The following MUC12 variants were observed in gnomAD, a reference collection of about 807,000 sequenced individuals.
MUC12 encodes mucin 12, cell surface associated, also known as mucin-12.
Under a neutral mutation model 230.8 loss-of-function variants are expected in MUC12, and 172 were observed. That is an observed-to-expected ratio of 0.75 (90% CI 0.66 to 0.85). The LOEUF is 0.85. MUC12 is among the 40% of genes least tolerant of loss of function. MUC12 has a pLI of 0.00. For synonymous variants in MUC12, 1,259 were observed against 2,401.9 expected (o/e 0.52, Z 13.91); for missense variants, 3,506 against 5,920.6 (o/e 0.59, Z 13.38).
chr7:100,972,515 T>A (rs1287729225), intron 1 of MUC12, among the ~76,000 whole-genome samples: 1 of 152,130 alleles, frequency 6.6e-6, no homozygotes, highest in African/African-American at 2.4e-5. Flanking sequence ...GTAGCTTTTT[T>A]TTTTTTTTGA....
chr7:101,012,891 G>A lies in MUC12; in HGVS notation c.15475+1G>A, dbSNP rs1562794670. The A allele has an allele frequency of 2.0e-6, 3 of 1,537,264 alleles. No homozygotes were observed. Among genetic ancestry groups the A allele is most frequent in the Middle Eastern group, 1.7e-4 (1 of 5,990 alleles). ...GTGACTCCGGGCTTTGACTTCCAGGGTAAGCGACTACGTGGAGCGTGGGCA... is the reference window on the plus strand; with the variant it reads ...GTGACTCCGGGCTTTGACTTCCAGGATAAGCGACTACGTGGAGCGTGGGCA... On this transcript the variant is annotated splice_donor_variant, in intron 7 of 11. Coordinates refer to ENST00000536621, the MANE Select transcript of MUC12 (RefSeq NM_001164462.2). LOFTEE classifies it high-confidence loss of function.
rs1457524493 is a variant in MUC12, at chr7:100,999,302, C to A, written c.8739C>A (p.Ser2913=). 1.7e-6 allele frequency: 2 copies of A among 1,175,862 alleles called. No individual in the cohort carries two copies. The highest frequency in any genetic ancestry group is 4.1e-5 in the Admixed American group (2 of 48,384). 72.8% of individuals were successfully genotyped at this position (1,175,862 alleles called of 1,614,324 possible). The change falls in exon 2 of 12, where the codon TCC becomes TCA. Residue 2913 remains serine (S), a synonymous_variant. Transcript: ENST00000536621. ...GCCTCAGTCAGGAACCTACAGCTTC[C>A]CACAGCAGCCAAGGCTCAACAGAGG... is the stretch of plus-strand genomic sequence containing the variant. The part of the protein sequence containing the change: ...TSGLSQEPTA[S]HSSQGSTEAT...
intron 1 of MUC12, among the ~76,000 whole-genome samples, chr7:100,973,834 T>C: frequency 6.6e-6 from 1 of 151,398 alleles, no homozygotes; most frequent in Non-Finnish European, 1.5e-5. Context: ...GCCTGGGCAA[T>C]GTAGTGACAC....
chr7:101,011,196 A>G (rs574506681), intron 5 of MUC12, among the ~76,000 whole-genome samples: 1 of 152,260 alleles, frequency 6.6e-6, no homozygotes, highest in South Asian at 2.1e-4. Flanking sequence ...TCCTTGCAGC[A>G]GGGAAGAGAG....
intron 1 of MUC12, 141 bp downstream of exon 1, chr7:100,969,830 T>G: frequency 8.1e-7 from 1 of 1,235,508 alleles, no homozygotes; most frequent in Non-Finnish European, 1.1e-6. Context: ...AGACCCGTGC[T>G]GTGACCTCAT....
In MUC12 at chr7:101,003,382, T is replaced by C; in HGVS notation, c.12819T>C (p.Thr4273=). 2.0e-6 allele frequency: 3 copies of C among 1,521,400 alleles called. No individual in the cohort carries two copies. Among genetic ancestry groups the C allele is most frequent in the Non-Finnish European group, 2.6e-6 (3 of 1,140,548 alleles). 94.2% of individuals were successfully genotyped at this position (1,521,400 alleles called of 1,614,324 possible). Residue 4273 remains threonine, a synonymous_variant, in exon 2 of 12, where the codon ACT becomes ACC. Transcript: ENST00000536621. The part of the protein sequence containing the change: ...TTASSLGPES[T]TFHSSPGSTE... ...CATCATCCCTTGGTCCAGAATCTAC[T>C]ACCTTCCACAGCAGCCCAGGCTCCA...
Position 100,991,160 on chromosome 7 carries a change from C to G in MUC12, c.597C>G (p.Ile199Met). 2.0e-6 allele frequency: 3 copies of G among 1,537,678 alleles called. No homozygotes were observed. Among genetic ancestry groups the G allele is most frequent in the African/African-American group, 1.4e-5 (1 of 73,144 alleles). Reference sequence around the variant, plus strand: ...AGGAATCTACAGCTTCCCACAGCATCCCCGGCTCCACAGACACAACACTGT... The same window carrying G: ...AGGAATCTACAGCTTCCCACAGCATGCCCGGCTCCACAGACACAACACTGT... ...VSQESTASHSIPGSTDTTLSP... is the reference protein window; with the variant it reads ...VSQESTASHSMPGSTDTTLSP... Residue 199 changes from isoleucine (I) to methionine (M), a missense_variant, in exon 2 of 12, where the codon ATC (isoleucine) becomes ATG (methionine). Transcript: ENST00000536621.
rs1178238532 is a variant in MUC12, at chr7:100,991,898, T to C, written c.1335T>C (p.Asp445=). The change falls in exon 2 of 12, where the codon GAT becomes GAC. Residue 445 remains aspartate (D), a synonymous_variant. Transcript: ENST00000536621. The part of the protein sequence containing the change: ...EESKASHSSP[D]AMATTVLPAG... The stretch of plus-strand genomic sequence containing the variant: ...CAAAAGCATCCCACAGCAGCCCAGA[T>C]GCAATGGCAACAACAGTCTTACCTG... 9.1e-6 allele frequency: 14 copies of C among 1,537,678 alleles called. No homozygotes were observed. The highest frequency in any genetic ancestry group is 1.4e-5 in the African/African-American group (1 of 73,038).
At chr7:101,017,335 G>C (rs1408402293) in intron 10 of MUC12, 1 of 486,174 alleles carries the variant, frequency 2.1e-6, no homozygotes, top group Non-Finnish European at 3.7e-6. Context: ...CTTCCACCCC[G>C]TGCATGTGGG....
In MUC12 at chr7:100,991,478, T is replaced by A. The variant is rs765862281; in HGVS notation, c.915T>A (p.Tyr305Ter). Residue 305 changes from tyrosine to a stop codon, truncating the protein, a stop_gained, in exon 2 of 12, where the codon TAT becomes TAA. Coordinates refer to ENST00000536621, the MANE Select transcript of MUC12 (RefSeq NM_001164462.2). LOFTEE classifies it high-confidence loss of function. ...TSAFVKLSTT[Y>*]HSSPSSTPTT... Reference sequence around the variant, plus strand: ...CCTTTGTTAAACTATCTACAACTTATCACAGCAGCCCGAGCTCAACTCCAA... The same window carrying A: ...CCTTTGTTAAACTATCTACAACTTAACACAGCAGCCCGAGCTCAACTCCAA... The A allele has an allele frequency of 4.6e-6, 7 of 1,537,470 alleles. No individual in the cohort carries two copies. In the South Asian group the frequency reaches 7.1e-5, roughly 16 times the overall value.
At chr7:101,005,655 C>G in intron 2 of MUC12, 136 bp downstream of exon 2, 1 of 1,153,376 alleles carries the variant, frequency 8.7e-7, no homozygotes, top group African/African-American at 1.6e-5. Flanking sequence ...TATCCAGTTT[C>G]TGGGTTCGAT....
At position 100,991,792 on chromosome 7, in the gene MUC12, C is replaced by A. The variant is rs753879407; in HGVS notation, c.1229C>A (p.Thr410Lys). The A allele has an allele frequency of 3.3e-6, 5 of 1,537,866 alleles. No individual in the cohort carries two copies. Among genetic ancestry groups the A allele is most frequent in the South Asian group, 1.2e-5 (1 of 84,066 alleles). ...TPSTTAALAH[T>K]SYHSSLGSTE... Reference sequence around the variant, plus strand: ...AGCACCACAGCTGCCCTAGCACATACAAGCTACCACAGCAGCCTGGGCTCA... The same window carrying A: ...AGCACCACAGCTGCCCTAGCACATAAAAGCTACCACAGCAGCCTGGGCTCA... The change falls in exon 2 of 12, where the codon ACA becomes AAA. Residue 410 changes from threonine to lysine, a missense_variant. Physicochemically the swap from Thr to Lys is moderately conservative, Grantham distance 78 (BLOSUM62 -1). Transcript: ENST00000536621.
At chr7:100,989,808 A>G (rs956739266) in intron 1 of MUC12, among the ~76,000 whole-genome samples, 1 of 151,920 alleles carries the variant, frequency 6.6e-6, no homozygotes, top group East Asian at 1.9e-4. Flanking sequence ...CTCATGCCCT[A>G]GCCTCCCAAG....
chr7:101,013,526 A>G (rs765312019), intron 8 of MUC12, among the ~76,000 whole-genome samples: 2 of 152,142 alleles, frequency 1.3e-5, no homozygotes, highest in Non-Finnish European at 2.9e-5. Flanking sequence ...TGCTGTCAAG[A>G]TTACCTCTAG....
rs1276296328 is a variant in MUC12, at chr7:100,992,077, C to G, written c.1514C>G (p.Thr505Arg). 1 of 1,537,246 alleles carries G rather than the reference C, an allele frequency of 6.5e-7. No individual in the cohort carries two copies. Among genetic ancestry groups the G allele is most frequent in the Non-Finnish European group, 8.7e-7 (1 of 1,146,604 alleles). The change falls in exon 2 of 12, where the codon ACA (threonine) becomes AGA (arginine). Residue 505 changes from threonine (T) to arginine (R), a missense_variant. Transcript: ENST00000536621. ...TFYSSPRSPD[T>R]THLPASMTSS... ...TACAGTAGCCCCAGATCACCAGACACAACACACTTACCTGCCAGCATGACA... is the reference window on the plus strand; with the variant it reads ...TACAGTAGCCCCAGATCACCAGACAGAACACACTTACCTGCCAGCATGACA...
At position 100,991,204 on chromosome 7, in the gene MUC12, C is replaced by T. The variant is rs1406858494; in HGVS notation, c.641C>T (p.Pro214Leu). 1 of 1,537,726 alleles carries T rather than the reference C, an allele frequency of 6.5e-7. No homozygotes were observed. Among genetic ancestry groups the T allele is most frequent in the Admixed American group, 2.0e-5 (1 of 50,994 alleles). Residue 214 changes from proline (P) to leucine (L), a missense_variant, in exon 2 of 12, where the codon CCA becomes CTA. Pro to Leu is a moderately conservative substitution (Grantham distance 98). Coordinates refer to ENST00000536621, the MANE Select transcript of MUC12 (RefSeq NM_001164462.2). Reference protein sequence around the residue: ...DTTLSPGTTTPSSLGPESTTF... With the variant: ...DTTLSPGTTTLSSLGPESTTF... ...ACACTGTCCCCTGGCACTACCACAC[C>T]ATCATCCCTTGGTCCAGAATCTACT...
In MUC12 at chr7:100,991,488, C is replaced by A. The variant is rs1793299252; in HGVS notation, c.925C>A (p.Pro309Thr). ...VKLSTTYHSS[P>T]SSTPTTHFSA... is the part of the protein sequence containing the mutation. ...ACTATCTACAACTTATCACAGCAGC[C>A]CGAGCTCAACTCCAACAACCCACTT... Residue 309 changes from proline to threonine, a missense_variant, in exon 2 of 12, where the codon CCG (proline) becomes ACG (threonine). Physicochemically the swap from Pro to Thr is conservative, Grantham distance 38. Coordinates refer to ENST00000536621, the MANE Select transcript of MUC12 (RefSeq NM_001164462.2). 1.3e-6 allele frequency: 2 copies of A among 1,537,434 alleles called. No homozygotes were observed. The highest frequency in any genetic ancestry group is 1.2e-5 in the South Asian group (1 of 84,050).
chr7:101,005,208 C>G lies in MUC12; in HGVS notation c.14645C>G (p.Pro4882Arg), dbSNP rs1165363579. 4.6e-6 allele frequency: 7 copies of G among 1,537,760 alleles called. No homozygotes were observed. Among genetic ancestry groups the G allele is most frequent in the African/African-American group, 4.1e-5 (3 of 73,022 alleles). The change falls in exon 2 of 12, where the codon CCT (proline) becomes CGT (arginine). Residue 4882 changes from proline (P) to arginine (R), a missense_variant. Coordinates refer to ENST00000536621, the MANE Select transcript of MUC12 (RefSeq NM_001164462.2). ...SIHSQQSTPF[P>R]DSPGFTHTVL... is the part of the protein sequence containing the mutation. Reference sequence around the variant, plus strand: ...CATAGTCAACAATCTACACCCTTCCCTGACAGCCCAGGCTTCACTCACACA... The same window carrying G: ...CATAGTCAACAATCTACACCCTTCCGTGACAGCCCAGGCTTCACTCACACA...
chr7:100,991,317 G>C lies in MUC12; in HGVS notation c.754G>C (p.Val252Leu), dbSNP rs779592163. Reference protein sequence around the residue: ...TSGLLEASTPVHSSTGSPHTT... With the variant: ...TSGLLEASTPLHSSTGSPHTT... ...AGGCCTCCTTGAAGCATCTACGCCC[G>C]TCCACAGCAGCACTGGATCGCCACA... is the stretch of plus-strand genomic sequence containing the variant. Residue 252 changes from valine to leucine, a missense_variant, in exon 2 of 12, where the codon GTC (valine) becomes CTC (leucine). Physicochemically the swap from Val to Leu is conservative, Grantham distance 32 (BLOSUM62 1). Coordinates refer to ENST00000536621, the MANE Select transcript of MUC12 (RefSeq NM_001164462.2). 1.3e-6 allele frequency: 2 copies of C among 1,537,242 alleles called. No homozygotes were observed. The highest frequency in any genetic ancestry group is 3.9e-5 in the Admixed American group (2 of 50,928).
Sources: gnomAD v4.1 joint callset for allele counts (sites outside exome capture counted in the v4.1 genomes callset) on GRCh38, gnomAD v4.1.1 for gene constraint, MANE v1.5 for transcripts, NCBI Gene and HGNC (gene_info 2026-07-23, HGNC 2026-07-21) for gene names.